Variants in COL20A1 observed in about 807,000 individuals in gnomAD.
COL20A1 encodes collagen type XX alpha 1 chain.
Under a neutral mutation model 152.9 loss-of-function variants are expected in COL20A1, and 164 were observed. That is an observed-to-expected ratio of 1.07 (90% CI 0.94 to 1.22). The LOEUF (loss-of-function observed/expected upper bound fraction) is 1.22, where lower values mean the gene tolerates loss of function less well. Among genes scored for constraint, COL20A1 ranks in the 50% most tolerant of loss-of-function variants. COL20A1 has a pLI of 0.00. For synonymous variants in COL20A1, 864 were observed against 756.0 expected (o/e 1.14, Z -2.34); for missense variants, 1,873 against 1,744.8 (o/e 1.07, Z -1.31).
intron 1 of COL20A1, 116 bp from the exon 2 acceptor site, chr20:63,294,982 C>T: frequency 3.1e-6 from 2 of 650,666 alleles, no homozygotes; most frequent in Non-Finnish European, 5.4e-6. Flanking sequence ...AGGGGTGGAG[C>T]CCGGTGTGGG....
rs115219381 is a variant in COL20A1 at position 63,321,169 on chromosome 20, G to A, written c.3240+70G>A. 0.012 allele frequency: 13,151 copies of A among 1,058,476 alleles called. 890 individuals are homozygous for A. The African/African-American group carries it at 0.16, about 13-fold the overall frequency. The allele number at this position is 1,058,476 out of a possible 1,614,324, so 65.6% of individuals were successfully genotyped here. ...CAATGTATTGCTGCCACTGGTGGAT[G>A]TGTAACCCAGGCCCTCCCGCCCCGG... is the stretch of plus-strand genomic sequence containing the variant. On this transcript the variant is annotated intron_variant, in intron 26 of 35. Transcript: ENST00000358894.
Position 63,305,755 on chromosome 20 carries a change from G to A in COL20A1, c.338-126G>A. ...AGGCTGCCTTGCCCCTGACATCTTT[G>A]CATGCCTCCCAGGCTCCTGGGCCCT... On this transcript the variant is annotated intron_variant, in intron 4 of 35. Coordinates refer to ENST00000358894, the MANE Select transcript of COL20A1 (RefSeq NM_020882.4). The surrounding 1 kb of genome is among the most constrained non-coding windows in gnomAD (Gnocchi z 4.9). 1 of 1,143,542 alleles carries A rather than the reference G, an allele frequency of 8.7e-7. No homozygotes were observed. The highest frequency in any genetic ancestry group is 1.2e-6 in the Non-Finnish European group (1 of 802,224). 70.8% of individuals were successfully genotyped at this position (1,143,542 alleles called of 1,614,324 possible). A position where few individuals can be genotyped will look rare whatever the true frequency, so the allele number is the denominator to read the frequency against.
intron 34 of COL20A1, chr20:63,329,176 G>A: frequency 4.9e-6 from 1 of 203,748 alleles, no homozygotes. Flanking sequence ...GAAACTGGGG[G>A]CAACCTGGGG....
rs2068001737 is a variant in COL20A1 at position 63,311,319 on chromosome 20, G to T, written c.1394-75G>T. ...GCGGTGGCCGTGCCCACCCACTCTG[G>T]TGTGAGGGTGCCCCGTGCGTGGGTG... On this transcript the variant is annotated intron_variant, in intron 11 of 35. Coordinates refer to ENST00000358894, the MANE Select transcript of COL20A1 (RefSeq NM_020882.4). The surrounding 1 kb of genome is among the most constrained non-coding windows in gnomAD (Gnocchi z 4.4). 3 of 1,431,874 alleles carry T rather than the reference G, an allele frequency of 2.1e-6. No homozygotes were observed. The Admixed American group carries it at 6.9e-5, about 33-fold the overall frequency. 88.7% of individuals were successfully genotyped at this position (1,431,874 alleles called of 1,614,324 possible).
rs1342417336 is a variant in COL20A1, at chr20:63,322,120, T to C, written c.3294+9T>C. On this transcript the variant is annotated intron_variant, in intron 27 of 35. Transcript: ENST00000358894. The stretch of plus-strand genomic sequence containing the variant: ...GCTTCCCAGGGCCCAGGGTAAGTTT[T>C]GGGGAGCCCTGGGAGGTGAGGGGCC... The C allele has an allele frequency of 6.7e-7, 1 of 1,496,708 alleles. No individual in the cohort carries two copies. The highest frequency in any genetic ancestry group is 8.9e-7 in the Non-Finnish European group (1 of 1,127,098). The allele number at this position is 1,496,708 out of a possible 1,614,324, so 92.7% of individuals were successfully genotyped here.
chr20:63,302,574 G>T (rs1041337119), intron 3 of COL20A1, among the ~76,000 whole-genome samples: 3 of 152,172 alleles, frequency 2.0e-5, no homozygotes, highest in African/African-American at 7.2e-5. Flanking sequence ...ACCTGCCTCG[G>T]CCTCCCAAAG....
In COL20A1 at chr20:63,305,226, C is replaced by G. The variant is rs2067908350; in HGVS notation, c.194-191C>G. On this transcript the variant is annotated intron_variant, in intron 3 of 35. Coordinates refer to ENST00000358894, the MANE Select transcript of COL20A1 (RefSeq NM_020882.4). This position sits in a 1 kb window ranked among gnomAD's most constrained non-coding sequence, Gnocchi z 4.9. ...CATCTTCTTTTCACCGCCCCAAGAC[C>G]CCCATTCTCTGTCACATTATTACCC... Among the ~76,000 whole-genome samples, 1 of 152,108 alleles carries G rather than the reference C, an allele frequency of 6.6e-6. No individual in the cohort carries two copies. The highest frequency in any genetic ancestry group is 6.5e-5 in the Admixed American group (1 of 15,278).
chr20:63,325,693 C>A lies in COL20A1; in HGVS notation c.3374C>A (p.Pro1125His), dbSNP rs2068236519. ...GGCCACCCCGGCCACCAGGGCATCC[C>A]CGGGAGAGTTGGCCTCCAGGGACCA... The part of the protein sequence containing the change: ...LQGHPGHQGI[P>H]GRVGLQGPKG... Residue 1125 changes from proline to histidine, a missense_variant, in exon 29 of 36, where the codon CCC becomes CAC. By Grantham distance (77) the Pro-to-His change is moderately conservative. Coordinates refer to ENST00000358894, the MANE Select transcript of COL20A1 (RefSeq NM_020882.4). 6.2e-7 allele frequency: 1 copy of A among 1,611,728 alleles called. No individual in the cohort carries two copies. The highest frequency in any genetic ancestry group is 8.5e-7 in the Non-Finnish European group (1 of 1,179,580).
intron 11 of COL20A1, among the ~76,000 whole-genome samples, 156 bp downstream of exon 11, chr20:63,310,666 G>A (rs923914008): frequency 1.3e-5 from 2 of 152,116 alleles, no homozygotes; most frequent in Non-Finnish European, 1.5e-5. Flanking sequence ...GACCAAGGCC[G>A]AGTCACTGGG....
In COL20A1 at chr20:63,319,456, G is replaced by C; in HGVS notation, c.2807-31G>C. On this transcript the variant is annotated intron_variant, in intron 22 of 35. Transcript: ENST00000358894. This position sits in a 1 kb window ranked among gnomAD's most constrained non-coding sequence, Gnocchi z 4.4. ...GTATAGGCCCGGCTGGTTGCAGCCC[G>C]TTCTCACCTGCTCCACCCCTTCCCT... The C allele has an allele frequency of 6.6e-7, 1 of 1,506,108 alleles. No homozygotes were observed. The highest frequency in any genetic ancestry group is 9.0e-7 in the Non-Finnish European group (1 of 1,107,208). The allele number at this position is 1,506,108 out of a possible 1,614,324, so 93.3% of individuals were successfully genotyped here. A position where few individuals can be genotyped will look rare whatever the true frequency, so the allele number is the denominator to read the frequency against.
intron 27 of COL20A1, chr20:63,325,171 GCCCAGAGGGCTGGGAGGGCTGGCTGTGA>G: frequency 1.6e-6 from 1 of 627,796 alleles, no homozygotes; most frequent in Non-Finnish European, 2.9e-6. Context: ...GGGTCTGAAT[GCCCAGAGGGCTGGGAGGGCTGGCTGTGA>G]CCCAGAGGGG....
At chr20:63,300,662 T>C (rs2067852917) in intron 3 of COL20A1, among the ~76,000 whole-genome samples, 1 of 152,200 alleles carries the variant, frequency 6.6e-6, no homozygotes, top group Non-Finnish European at 1.5e-5. Context: ...TGTCGTTGAT[T>C]TTGTTTATTT....
Position 63,319,533 on chromosome 20 carries a change from C to G in COL20A1, c.2853C>G (p.Ala951=). ...ACTTCCACCGTGACCCCAGGGCTGCCTTGCAGGAGGCCACCTTCGACCCGC... is the reference window on the plus strand; with the variant it reads ...ACTTCCACCGTGACCCCAGGGCTGCGTTGCAGGAGGCCACCTTCGACCCGC... ...LTYFHRDPRA[A]LQEATFDPQE... Residue 951 remains alanine (A), a synonymous_variant, in exon 23 of 36, where the codon GCC becomes GCG. Transcript: ENST00000358894. The surrounding 1 kb of genome is among the most constrained non-coding windows in gnomAD (Gnocchi z 4.4). The G allele has an allele frequency of 6.3e-7, 1 of 1,597,224 alleles. No homozygotes were observed. The highest frequency in any genetic ancestry group is 8.5e-7 in the Non-Finnish European group (1 of 1,172,678).
intron 20 of COL20A1, 106 bp from the exon 21 acceptor site, chr20:63,316,447 C>A: frequency 1.2e-6 from 1 of 813,530 alleles, no homozygotes; most frequent in Non-Finnish European, 1.8e-6. Flanking sequence ...CCTCCCACCG[C>A]ACTGCAGCCC....
chr20:63,315,617 T>C (rs1475805274), intron 20 of COL20A1, among the ~76,000 whole-genome samples, 178 bp downstream of exon 20: 1 of 152,206 alleles, frequency 6.6e-6, no homozygotes, highest in Non-Finnish European at 1.5e-5. Context: ...TTATTCCTGC[T>C]TCTCACTGAG....
rs1472653166 is a variant in COL20A1, at chr20:63,313,748, G to A, written c.2215G>A (p.Val739Met). The change falls in exon 18 of 36, where the codon GTG (valine) becomes ATG (methionine). Residue 739 changes from valine to methionine, a missense_variant. By Grantham distance (21) the Val-to-Met change is conservative. Transcript: ENST00000358894. This position sits in a 1 kb window ranked among gnomAD's most constrained non-coding sequence, Gnocchi z 5.9. ...PVSLRYTPSTVSRSPPSNLAL... is the reference protein window; with the variant it reads ...PVSLRYTPSTMSRSPPSNLAL... The stretch of plus-strand genomic sequence containing the variant: ...CAACCCATGCTCTCGGCCAGCCACG[G>A]TGAGCAGGAGCCCACCCTCCAACCT... 1.9e-6 allele frequency: 3 copies of A among 1,589,384 alleles called. No homozygotes were observed. The highest frequency in any genetic ancestry group is 1.1e-5 in the South Asian group (1 of 87,606).
intron 2 of COL20A1, among the ~76,000 whole-genome samples, chr20:63,296,569 C>T (rs1253707879): frequency 6.6e-6 from 1 of 152,222 alleles, no homozygotes; most frequent in African/African-American, 2.4e-5. Flanking sequence ...GGGGCCCTTC[C>T]CACCAGCCGC....
intron 27 of COL20A1, 172 bp from the exon 28 acceptor site, chr20:63,325,269 G>A (rs1252924863): frequency 7.0e-6 from 5 of 711,634 alleles, no homozygotes; most frequent in Non-Finnish European, 7.8e-6. Context: ...GTGTCTCCAG[G>A]GAGAGCCCGG....
intron 2 of COL20A1, among the ~76,000 whole-genome samples, 181 bp downstream of exon 2, chr20:63,295,370 C>T (rs1253147846): frequency 1.3e-5 from 2 of 152,260 alleles, no homozygotes; most frequent in Non-Finnish European, 2.9e-5. Context: ...CCCGCCAAAC[C>T]TTCAGCCTCG....
Sources: gnomAD v4.1 joint callset for allele counts (sites outside exome capture counted in the v4.1 genomes callset) on GRCh38, gnomAD v4.1.1 for gene constraint, Gnocchi (gnomAD v3.1) non-coding constraint, MANE v1.5 for transcripts, NCBI Gene and HGNC (gene_info 2026-07-23, HGNC 2026-07-21) for gene names.